RNF150: variants seen among roughly 807,000 people sequenced by gnomAD.
The protein encoded by RNF150 is ring finger protein 150.
RNF150 carries 24 observed loss-of-function variants against 39.3 expected under a neutral mutation model. The observed-to-expected ratio is 0.61, with a 90% CI of 0.44 to 0.86. The LOEUF is 0.86. Ranked by LOEUF, RNF150 falls within the 40% of genes least tolerant of loss-of-function variation. The probability of loss-of-function intolerance (pLI) is 0.00; values close to 1 mark genes in which losing one functional copy is unlikely to be tolerated. For missense variants in RNF150, 502 were observed against 587.8 expected (o/e 0.85, Z 1.51); for synonymous variants, 255 against 227.3 (o/e 1.12, Z -1.10).
At chr4:141,201,283 G>A (rs1445578551) in intron 1 of RNF150, among the ~76,000 whole-genome samples, 2 of 152,126 alleles carry the variant, frequency 1.3e-5, no homozygotes, top group Non-Finnish European at 2.9e-5. Flanking sequence ...ACAGAAGAAT[G>A]TTGTTTGGTT....
chr4:141,126,571 C>T (rs547909802), intron 1 of RNF150, among the ~76,000 whole-genome samples: 7 of 152,192 alleles, frequency 4.6e-5, no homozygotes, highest in Admixed American at 2.0e-4. Context: ...TAAATGAACA[C>T]GGCAGGCCAA....
intron 1 of RNF150, among the ~76,000 whole-genome samples, chr4:141,035,442 A>G (rs1287653879): frequency 6.6e-6 from 1 of 152,344 alleles, no homozygotes; most frequent in Admixed American, 6.5e-5. Context: ...TAAATGGAGA[A>G]GAGGACACAA....
intron 1 of RNF150, among the ~76,000 whole-genome samples, chr4:140,972,452 T>C (rs879350397): frequency 1.3e-5 from 2 of 152,166 alleles, no homozygotes; most frequent in Admixed American, 6.6e-5. Flanking sequence ...TATTAGTACA[T>C]TTTAGTACAT....
At chr4:141,155,524 G>A (rs747851998) in intron 1 of RNF150, among the ~76,000 whole-genome samples, 1 of 152,170 alleles carries the variant, frequency 6.6e-6, no homozygotes, top group Non-Finnish European at 1.5e-5. Context: ...AGGAATTTAT[G>A]CTGAATGGGT....
At position 141,038,834 on chromosome 4, in the gene RNF150, G is replaced by A. The variant is rs1288739382; in HGVS notation, c.485-70961C>T. ...TGGAGGTTACCTTTACTCACCACAG[G>A]CTGAGGTCCTCAAGTGAGGCCCCCT... On this transcript the variant is annotated intron_variant, in intron 1 of 6. Coordinates refer to ENST00000515673, the MANE Select transcript of RNF150 (RefSeq NM_020724.2). Among the ~76,000 whole-genome samples, 7 of 152,178 alleles carry A rather than the reference G, an allele frequency of 4.6e-5. No homozygotes were observed. In the East Asian group the frequency reaches 1.3e-3, roughly 29 times the overall value.
At position 140,860,922 on chromosome 4, in the gene RNF150, T is replaced by C. The variant is rs972214140; in HGVS notation, c.*7339A>G. The C allele has an allele frequency of 1.3e-5, 2 of 152,150 alleles. No homozygotes were observed. The allele number at this position is 152,150 out of a possible 1,614,324, so 9.4% of individuals were successfully genotyped here. On this transcript the variant is annotated 3_prime_UTR_variant, in exon 7 of 7. Coordinates refer to ENST00000515673, the MANE Select transcript of RNF150 (RefSeq NM_020724.2). ...CCAGAATAATCATCCTCCCAGCTCA[T>C]GAACATTTTAAAGAACAATACCCAT... is the stretch of plus-strand genomic sequence containing the variant.
intron 2 of RNF150, among the ~76,000 whole-genome samples, chr4:140,963,729 A>G (rs112950090): frequency 1.3e-5 from 2 of 152,164 alleles, no homozygotes; most frequent in African/African-American, 4.8e-5. Context: ...GAAATTCAGG[A>G]TGGTTCATAA....
At chr4:141,000,005 G>C (rs1734561599) in intron 1 of RNF150, among the ~76,000 whole-genome samples, 1 of 33,188 alleles carries the variant, frequency 3.0e-5, no homozygotes, top group Non-Finnish European at 7.3e-5. Flanking sequence ...AGAAGAAGAA[G>C]AAGAAGAAGA....
chr4:140,917,119 A>G (rs1213515892), intron 5 of RNF150, among the ~76,000 whole-genome samples: 2 of 152,252 alleles, frequency 1.3e-5, no homozygotes, highest in African/African-American at 2.4e-5. Context: ...CAAGGCTAGG[A>G]AGAAACTGCA....
At chr4:140,969,271 G>A (rs902525580) in intron 1 of RNF150, among the ~76,000 whole-genome samples, 2 of 152,082 alleles carry the variant, frequency 1.3e-5, no homozygotes, top group African/African-American at 4.8e-5. Context: ...GTCTGTGTAT[G>A]CTACATCAAT....
At chr4:141,130,087 A>C (rs1299243785) in intron 1 of RNF150, among the ~76,000 whole-genome samples, 2 of 152,232 alleles carry the variant, frequency 1.3e-5, no homozygotes, top group East Asian at 3.8e-4. Context: ...CTGAATTCAG[A>C]AATCTGACCT....
Position 140,861,230 on chromosome 4 carries a change from G to T in RNF150, c.*7031C>A, listed in dbSNP as rs1404386968. ...TCCTTTGCAATTTCACAAGAATAAA[G>T]TTGAGATAACTTACAAAAACAAGCA... On this transcript the variant is annotated 3_prime_UTR_variant, in exon 7 of 7. Coordinates refer to ENST00000515673, the MANE Select transcript of RNF150 (RefSeq NM_020724.2). 6.6e-6 allele frequency: 1 copy of T among 152,148 alleles called. No homozygotes were observed. The highest frequency in any genetic ancestry group is 2.4e-5 in the African/African-American group (1 of 41,428). The allele number at this position is 152,148 out of a possible 1,614,324, so 9.4% of individuals were successfully genotyped here.
intron 6 of RNF150, among the ~76,000 whole-genome samples, chr4:140,879,521 A>G (rs1729295582): frequency 6.6e-6 from 1 of 151,908 alleles, no homozygotes; most frequent in African/African-American, 2.4e-5. Context: ...ATTTCCTTTC[A>G]TATTGTTACT....
At chr4:140,905,487 G>A (rs1730338325) in intron 6 of RNF150, among the ~76,000 whole-genome samples, 1 of 152,108 alleles carries the variant, frequency 6.6e-6, no homozygotes, top group Non-Finnish European at 1.5e-5. Flanking sequence ...TGTATAAAGG[G>A]GAACTTGTTC....
At chr4:141,203,539 G>A (rs950630640) in intron 1 of RNF150, among the ~76,000 whole-genome samples, 1 of 151,824 alleles carries the variant, frequency 6.6e-6, no homozygotes, top group Non-Finnish European at 1.5e-5. Flanking sequence ...CCTTTAGATA[G>A]ACAAGGATTA....
intron 1 of RNF150, among the ~76,000 whole-genome samples, chr4:141,204,893 C>G (rs776327160): frequency 2.0e-5 from 3 of 152,022 alleles, no homozygotes; most frequent in Non-Finnish European, 2.9e-5. Flanking sequence ...TTTAAAGGAC[C>G]TTTTTCATAT....
At chr4:141,084,884 C>CA (rs1401761216) in intron 1 of RNF150, among the ~76,000 whole-genome samples, 1 of 152,158 alleles carries the variant, frequency 6.6e-6, no homozygotes, top group Non-Finnish European at 1.5e-5. Context: ...GAGAGGTCTA[C>CA]AGCCCTCTCT....
At chr4:141,102,718 A>C (rs535524466) in intron 1 of RNF150, among the ~76,000 whole-genome samples, 1 of 152,208 alleles carries the variant, frequency 6.6e-6, no homozygotes, top group Admixed American at 6.5e-5. Context: ...TTTAATGTCC[A>C]TATCTACACA....
intron 1 of RNF150, among the ~76,000 whole-genome samples, chr4:141,201,704 T>C (rs549673641): frequency 6.6e-6 from 1 of 152,302 alleles, no homozygotes; most frequent in Non-Finnish European, 1.5e-5. Context: ...TTCTTTCTTT[T>C]TCTTTCTTTC....
Sources: allele counts gnomAD v4.1 joint callset (sites outside exome capture counted in the v4.1 genomes callset), GRCh38; gene constraint gnomAD v4.1.1; transcripts MANE v1.5; gene names NCBI Gene and HGNC (gene_info 2026-07-23, HGNC 2026-07-21).